Variants in RBFOX1 observed in about 807,000 individuals in gnomAD.
The protein encoded by RBFOX1 is RNA binding fox-1 homolog 1.
Under a neutral mutation model 57.7 loss-of-function variants are expected in RBFOX1, and 8 were observed. The ratio of observed to expected loss-of-function variants is 0.14; its 90% CI spans 0.08 to 0.25. The LOEUF is 0.25. RBFOX1 is among the 10% of genes least tolerant of loss of function. The probability of loss-of-function intolerance (pLI) is 1.00; values close to 1 mark genes in which losing one functional copy is unlikely to be tolerated. For missense variants in RBFOX1, 611 were observed against 548.5 expected (o/e 1.11, Z -1.14); for synonymous variants, 326 against 222.4 (o/e 1.47, Z -4.15).
At chr16:6,979,387 CA>C (rs2088023655) in intron 3 of RBFOX1, among the ~76,000 whole-genome samples, 1 of 54,440 alleles carries the variant, frequency 1.8e-5, no homozygotes, top group Admixed American at 1.3e-4. Context: ...GAGCACTTTC[CA>C]TTGTGCGATA....
chr16:7,080,037 T>C (rs1160670140), intron 4 of RBFOX1, among the ~76,000 whole-genome samples: 1 of 75,120 alleles, frequency 1.3e-5, no homozygotes, highest in Admixed American at 1.5e-4. Flanking sequence ...TATATGTATA[T>C]AGATGTATAT....
intron 3 of RBFOX1, among the ~76,000 whole-genome samples, chr16:5,673,956 C>G (rs752221180): frequency 6.6e-6 from 1 of 152,224 alleles, no homozygotes; most frequent in Non-Finnish European, 1.5e-5. Context: ...CCCCATGGGT[C>G]TTGATGCATC....
chr16:6,027,786 A>G (rs1204099563), intron 1 of RBFOX1, among the ~76,000 whole-genome samples: 1 of 152,110 alleles, frequency 6.6e-6, no homozygotes, highest in African/African-American at 2.4e-5. Flanking sequence ...TGCTTCGTAT[A>G]TTTTCCTCTT....
In RBFOX1 at chr16:7,372,299, C is replaced by T. The variant is rs569919288; in HGVS notation, c.28-145848C>T. Among the ~76,000 whole-genome samples, 6 of 152,286 alleles carry T rather than the reference C, an allele frequency of 3.9e-5. No homozygotes were observed. In the South Asian group the frequency reaches 1.0e-3, roughly 26 times the overall value. On this transcript the variant is annotated intron_variant, in intron 4 of 15. Transcript: ENST00000550418. ...AGATCCCATGAGAGCGGGATCATGT[C>T]GGTACTAGCAGGCTCTAAAGGACAC... is the stretch of plus-strand genomic sequence containing the variant.
intron 3 of RBFOX1, among the ~76,000 whole-genome samples, chr16:6,750,727 A>C (rs1333918931): frequency 1.3e-5 from 2 of 152,190 alleles, no homozygotes; most frequent in East Asian, 1.9e-4. Context: ...GCTAATGTTA[A>C]AGGGATAGGG....
At chr16:5,254,547 C>T (rs2062535360) in intron 1 of RBFOX1, among the ~76,000 whole-genome samples, 2 of 152,218 alleles carry the variant, frequency 1.3e-5, no homozygotes, top group South Asian at 4.1e-4. Flanking sequence ...TCTTCAGCTT[C>T]AGTTATGCAA....
chr16:7,705,717 A>G (rs1267791143), intron 14 of RBFOX1, among the ~76,000 whole-genome samples: 1 of 152,164 alleles, frequency 6.6e-6, no homozygotes, highest in Non-Finnish European at 1.5e-5. Flanking sequence ...GATTTGATAC[A>G]TGTAAATAGC....
In RBFOX1 at chr16:7,418,089, A is replaced by G. The variant is rs116907220; in HGVS notation, c.28-100058A>G. Among the ~76,000 whole-genome samples the G allele has an allele frequency of 4.2e-3, 631 of 151,838 alleles. 14 individuals carry two copies. Among genetic ancestry groups the G allele is most frequent in the East Asian group, 0.031 (158 of 5,134 alleles). On this transcript the variant is annotated intron_variant, in intron 4 of 15. Coordinates refer to ENST00000550418, the MANE Select transcript of RBFOX1 (RefSeq NM_018723.4). ...GACACTCCCTGTCACTCTCTGCCCA[A>G]CCCTCCATTCCTAACCTCACCTCTC... is the stretch of plus-strand genomic sequence containing the variant.
chr16:6,976,533 C>T (rs985319049), intron 3 of RBFOX1, among the ~76,000 whole-genome samples: 6 of 151,758 alleles, frequency 4.0e-5, no homozygotes, highest in African/African-American at 1.5e-4. Context: ...GTCCACGGTG[C>T]AAACTAAAAA....
chr16:6,228,725 A>G (rs999697290), intron 1 of RBFOX1, among the ~76,000 whole-genome samples: 2 of 152,074 alleles, frequency 1.3e-5, no homozygotes, highest in Non-Finnish European at 2.9e-5. Flanking sequence ...AGTTCAAGAG[A>G]TCTATTGTAC....
At chr16:5,552,356 C>A (rs927635771) in intron 2 of RBFOX1, among the ~76,000 whole-genome samples, 2 of 152,186 alleles carry the variant, frequency 1.3e-5, no homozygotes, top group African/African-American at 4.8e-5. Flanking sequence ...TATTTGCTCA[C>A]AATTATTGAG....
At position 6,639,081 on chromosome 16, in the gene RBFOX1, A is replaced by C. The variant is rs373563732; in HGVS notation, c.-63-15522A>C. On this transcript the variant is annotated intron_variant, in intron 2 of 15. Transcript: ENST00000550418. ...AAAGCTTAGCCATCGTTTCACTCAG[A>C]GCAGCAGCCATTTCTTGCAAACTGG... 1.9e-4 allele frequency among the ~76,000 whole-genome samples: 29 copies of C among 152,328 alleles called. No homozygotes were observed. In the East Asian group the frequency reaches 2.5e-3, roughly 13 times the overall value.
chr16:6,014,982 A>G (rs1473167093), upstream of RBFOX1, among the ~76,000 whole-genome samples: 1 of 151,906 alleles, frequency 6.6e-6, no homozygotes, highest in Non-Finnish European at 1.5e-5. Flanking sequence ...CAGCCTCCCA[A>G]GTAGCTGAGA....
chr16:5,590,090 G>A (rs2046958909), intron 2 of RBFOX1, among the ~76,000 whole-genome samples: 1 of 151,946 alleles, frequency 6.6e-6, no homozygotes, highest in South Asian at 2.1e-4. Flanking sequence ...AAGGGCAGCA[G>A]GTGTTATTTG....
chr16:5,654,123 A>G (rs1238303697), intron 3 of RBFOX1, among the ~76,000 whole-genome samples: 3 of 152,160 alleles, frequency 2.0e-5, no homozygotes, highest in African/African-American at 7.2e-5. Flanking sequence ...TACTAGCTCG[A>G]GCATGCACCT....
At chr16:7,076,254 G>T (rs1008159618) in intron 4 of RBFOX1, among the ~76,000 whole-genome samples, 2 of 151,632 alleles carry the variant, frequency 1.3e-5, no homozygotes, top group Non-Finnish European at 2.9e-5. Context: ...GGATGGTCTT[G>T]ATCTCCTGAC....
At chr16:5,800,249 G>T (rs550783321) in intron 3 of RBFOX1, among the ~76,000 whole-genome samples, 10 of 152,086 alleles carry the variant, frequency 6.6e-5, no homozygotes, top group Non-Finnish European at 1.3e-4. Context: ...CCAGTCCAAT[G>T]GTGTGTAGCC....
intron 10 of RBFOX1, among the ~76,000 whole-genome samples, chr16:7,626,457 G>T (rs2142331581): frequency 6.6e-6 from 1 of 152,314 alleles, no homozygotes; most frequent in East Asian, 1.9e-4. Flanking sequence ...TTGTGGGGAT[G>T]CCGATGATCC....
intron 1 of RBFOX1, among the ~76,000 whole-genome samples, chr16:5,433,555 G>A (rs952231711): frequency 1.3e-5 from 2 of 152,318 alleles, no homozygotes; most frequent in Admixed American, 6.5e-5. Context: ...CAGAGTAAGT[G>A]AGTGACACAA....
Sources: gnomAD v4.1 joint callset for allele counts (sites outside exome capture counted in the v4.1 genomes callset) on GRCh38, gnomAD v4.1.1 for gene constraint, MANE v1.5 for transcripts, NCBI Gene and HGNC (gene_info 2026-07-23, HGNC 2026-07-21) for gene names.